MMP1: variants seen among roughly 807,000 people sequenced by gnomAD.
MMP1 encodes the protein interstitial collagenase.
A neutral mutation model predicts 49.6 loss-of-function variants in MMP1; 51 were observed. The observed-to-expected ratio is 1.03, with a 90% confidence interval of 0.82 to 1.30. The LOEUF is 1.30. Among genes scored for constraint, MMP1 ranks in the 50% most tolerant of loss-of-function variants. The pLI is 0.00. For missense variants in MMP1, 623 were observed against 568.7 expected (o/e 1.10, Z -0.97); for synonymous variants, 230 against 196.8 (o/e 1.17, Z -1.41).
intron 6 of MMP1, among the ~76,000 whole-genome samples, 155 bp from the exon 7 acceptor site, chr11:102,792,893 C>T (rs576681680): frequency 5.3e-5 from 8 of 152,100 alleles, no homozygotes; most frequent in Non-Finnish European, 1.2e-4. Context: ...ATAGCATTTG[C>T]TGATTTCACT....
intron 7 of MMP1, 114 bp downstream of exon 7, chr11:102,792,491 A>G: frequency 9.6e-7 from 1 of 1,044,458 alleles, no homozygotes; most frequent in South Asian, 1.8e-5. Context: ...GGTTGGTGAG[A>G]CTGAGATTTT....
At chr11:102,791,266 T>C (rs1166890070) in intron 8 of MMP1, 67 bp downstream of exon 8, 1 of 1,558,656 alleles carries the variant, frequency 6.4e-7, no homozygotes, top group African/African-American at 1.4e-5. Flanking sequence ...CACTTTGAAA[T>C]GGGCTATTCT....
Position 102,796,741 on chromosome 11 carries a change from T to A in MMP1, c.548A>T (p.His183Leu). The change falls in exon 4 of 10, where the codon CAT becomes CTT. Residue 183 changes from histidine (H) to leucine (L), a missense_variant. By Grantham distance (99) the His-to-Leu change is moderately conservative. Transcript: ENST00000315274. ...PFDGPGGNLA[H>L]AFQPGPGIGG... is the part of the protein sequence containing the mutation. ...AATACCTGGGCCTGGTTGAAAAGCA[T>A]GAGCAAGATTTCCTCCAGGTCCATC... is the stretch of plus-strand genomic sequence containing the variant. 1 of 1,614,036 alleles carries A rather than the reference T, an allele frequency of 6.2e-7. No individual in the cohort carries two copies. Among genetic ancestry groups the A allele is most frequent in the Middle Eastern group, 1.7e-4 (1 of 6,058 alleles).
intron 8 of MMP1, among the ~76,000 whole-genome samples, chr11:102,791,115 C>G (rs1013472282): frequency 6.6e-6 from 1 of 152,194 alleles, no homozygotes; most frequent in East Asian, 1.9e-4. Flanking sequence ...AATTCTACAT[C>G]CTTTTAAAAT....
chr11:102,795,162 C>A lies in MMP1; in HGVS notation c.899+12G>T, dbSNP rs373263411. On this transcript the variant is annotated intron_variant, in intron 6 of 9. Transcript: ENST00000315274. ...TACAAATGCAGATCACAAAGAAGAA[C>A]TGACATCTTACCTGTCTTTAAAGAA... 4.9e-5 allele frequency: 77 copies of A among 1,576,444 alleles called. No homozygotes were observed. The highest frequency in any genetic ancestry group is 1.7e-4 in the Middle Eastern group (1 of 5,944).
intron 7 of MMP1, among the ~76,000 whole-genome samples, chr11:102,791,970 A>G (rs1858043201): frequency 6.6e-6 from 1 of 152,208 alleles, no homozygotes. Context: ...TACTTGAATT[A>G]ATGCTGTGTC....
chr11:102,796,548 G>A, intron 4 of MMP1, 116 bp downstream of exon 4: 1 of 1,220,296 alleles, frequency 8.2e-7, no homozygotes. Context: ...AATTTTCTGA[G>A]TGGTAATAGA....
intron 9 of MMP1, 36 bp downstream of exon 9, chr11:102,790,667 C>A (rs746805466): frequency 6.9e-7 from 1 of 1,442,740 alleles, no homozygotes. Context: ...ATTGCTACGG[C>A]AATGAAATGG....
At position 102,798,001 on chromosome 11, in the gene MMP1, A is replaced by T. The variant is rs1463376019; in HGVS notation, c.92T>A (p.Val31Glu). The T allele has an allele frequency of 1.9e-6, 3 of 1,612,838 alleles. No homozygotes were observed. In the East Asian group the frequency reaches 6.7e-5, roughly 36 times the overall value. ...PATLETQEQD[V>E]DLVQKYLEKY... ...TGCAGCATTTACCTGGACTAAGTCCACATCTTGCTCTTGTGTTTCTAGAGT... is the reference window on the plus strand; with the variant it reads ...TGCAGCATTTACCTGGACTAAGTCCTCATCTTGCTCTTGTGTTTCTAGAGT... The change falls in exon 1 of 10, where the codon GTG (valine) becomes GAG (glutamate). Residue 31 changes from valine (V) to glutamate (E), a missense_variant. By Grantham distance (121) the Val-to-Glu change is moderately radical (BLOSUM62 -2). Coordinates refer to ENST00000315274, the MANE Select transcript of MMP1 (RefSeq NM_002421.4).
rs1305133839 is a variant in MMP1 at position 102,791,388 on chromosome 11, G to C, written c.1141C>G (p.Leu381Val). 1 of 1,613,968 alleles carries C rather than the reference G, an allele frequency of 6.2e-7. No individual in the cohort carries two copies. Among genetic ancestry groups the C allele is most frequent in the Non-Finnish European group, 8.5e-7 (1 of 1,179,918 alleles). The change falls in exon 8 of 10, where the codon CTT becomes GTT. Residue 381 changes from leucine to valine, a missense_variant. Coordinates refer to ENST00000315274, the MANE Select transcript of MMP1 (RefSeq NM_002421.4). ...PRTVKHIDAA[L>V]SEENTGKTYF... ...GTTTTTCCAGTGTTTTCCTCAGAAA[G>C]AGCAGCATCGATATGCTTCACAGTT...
chr11:102,796,875 A>G, intron 3 of MMP1, 86 bp from the exon 4 acceptor site: 2 of 1,551,144 alleles, frequency 1.3e-6, no homozygotes, highest in Middle Eastern at 1.7e-4. Flanking sequence ...TTAAGAGGCC[A>G]ACAGACTTCC....
intron 7 of MMP1, among the ~76,000 whole-genome samples, chr11:102,791,936 AT>A (rs1329822677): frequency 6.6e-6 from 1 of 152,202 alleles, no homozygotes; most frequent in Non-Finnish European, 1.5e-5. Context: ...AAATCACTGC[AT>A]TTGACTAGAA....
At chr11:102,791,009 TCTC>T (rs1257573109) in intron 8 of MMP1, among the ~76,000 whole-genome samples, 10 of 152,172 alleles carry the variant, frequency 6.6e-5, no homozygotes, top group African/African-American at 2.4e-4. Flanking sequence ...AGCATCGAAT[TCTC>T]CAGTAGGTTC....
At chr11:102,797,220 A>G in intron 2 of MMP1, 36 bp downstream of exon 2, 1 of 1,613,704 alleles carries the variant, frequency 6.2e-7, no homozygotes, top group Non-Finnish European at 8.5e-7. Context: ...CTGTCATGGG[A>G]AATAGCTCTC....
In MMP1 at chr11:102,790,736, C is replaced by G. The variant is rs1368044559; in HGVS notation, c.1267G>C (p.Gly423Arg). The change falls in exon 9 of 10, where the codon GGC becomes CGC. Residue 423 changes from glycine to arginine, a missense_variant. By Grantham distance (125) the Gly-to-Arg change is moderately radical. Coordinates refer to ENST00000315274, the MANE Select transcript of MMP1 (RefSeq NM_002421.4). ...ATGAAAACTGCATCAACTTTGTGGC[C>G]AATTCCAGGAAAGTCATGTGCTATC... ...KMIAHDFPGIGHKVDAVFMKD... is the reference protein window; with the variant it reads ...KMIAHDFPGIRHKVDAVFMKD... 6.2e-7 allele frequency: 1 copy of G among 1,613,194 alleles called. No homozygotes were observed. The highest frequency in any genetic ancestry group is 1.1e-5 in the South Asian group (1 of 91,046).
chr11:102,790,595 C>T, intron 9 of MMP1, 74 bp from the exon 10 acceptor site: 1 of 1,307,750 alleles, frequency 7.6e-7, no homozygotes, highest in South Asian at 1.3e-5. Flanking sequence ...CTTGAGAAAC[C>T]AATTCATCTG....
rs1006224324 is a variant in MMP1 at position 102,795,580 on chromosome 11, T to C, written c.653A>G (p.His218Arg). 1 of 1,613,378 alleles carries C rather than the reference T, an allele frequency of 6.2e-7. No individual in the cohort carries two copies. Among genetic ancestry groups the C allele is most frequent in the Non-Finnish European group, 8.5e-7 (1 of 1,179,802 alleles). The change falls in exon 5 of 10, where the codon CAT becomes CGT. Residue 218 changes from histidine (H) to arginine (R), a missense_variant. Transcript: ENST00000315274. Reference protein sequence around the residue: ...REYNLHRVAAHELGHSLGLSH... With the variant: ...REYNLHRVAARELGHSLGLSH... ...GAGTCCAAGAGAATGGCCGAGTTCA[T>C]GAGCTGCAACACGATGTAAGTTGTA... is the stretch of plus-strand genomic sequence containing the variant.
chr11:102,795,626 C>A lies in MMP1; in HGVS notation c.626-19G>T, dbSNP rs5031035. On this transcript the variant is annotated intron_variant, in intron 4 of 9. Transcript: ENST00000315274. ...TTGTACTCTAAAAAGGCCAATAAAT[C>A]AATTTGTAATTATTTGAAAGGTATT... The A allele has an allele frequency of 2.7e-4, 428 of 1,588,316 alleles. 2 individuals are homozygous for A. In the African/African-American group the frequency reaches 5.1e-3, roughly 19 times the overall value.
Position 102,790,347 on chromosome 11 carries a change from C to T in MMP1, c.*65G>A, listed in dbSNP as rs761326156. On this transcript the variant is annotated 3_prime_UTR_variant, in exon 10 of 10. Transcript: ENST00000315274. ...GGTTAAAAATGACTGAGAAAATAGACAGTTCTTCAGGAAAACACCTTCTTT... is the reference window on the plus strand; with the variant it reads ...GGTTAAAAATGACTGAGAAAATAGATAGTTCTTCAGGAAAACACCTTCTTT... The T allele has an allele frequency of 2.8e-5, 25 of 898,850 alleles. No individual in the cohort carries two copies. The highest frequency in any genetic ancestry group is 6.3e-4 in the Middle Eastern group (2 of 3,184). 55.7% of individuals were successfully genotyped at this position (898,850 alleles called of 1,614,324 possible). A position where few individuals can be genotyped will look rare whatever the true frequency, so the allele number is the denominator to read the frequency against.
Sources: gnomAD v4.1 joint callset for allele counts (sites outside exome capture counted in the v4.1 genomes callset) on GRCh38, gnomAD v4.1.1 for gene constraint, MANE v1.5 for transcripts, NCBI Gene and HGNC (gene_info 2026-07-23, HGNC 2026-07-21) for gene names.